NR1I2: variants seen among roughly 807,000 people sequenced by gnomAD.
The protein encoded by NR1I2 is nuclear receptor subfamily 1 group I member 2.
NR1I2 carries 42 observed loss-of-function variants against 43.3 expected under a neutral mutation model. That is an observed-to-expected ratio of 0.97 (90% CI 0.76 to 1.26). The LOEUF is 1.26. Ranked by LOEUF, NR1I2 falls within the 50% of genes most tolerant of loss-of-function variation. The pLI, the probability that NR1I2 is intolerant of heterozygous loss-of-function variation, is 0.00. For missense variants in NR1I2, 559 were observed against 566.7 expected, an observed-to-expected ratio of 0.99 and a Z score of 0.14; for synonymous variants, 229 against 215.0, an observed-to-expected ratio of 1.06 and a Z score of -0.57.
intron 8 of NR1I2, among the ~76,000 whole-genome samples, chr3:119,816,291 G>A (rs1475570681): frequency 2.0e-5 from 3 of 152,142 alleles, no homozygotes; most frequent in Non-Finnish European, 2.9e-5. Context: ...GGAGGCAGGA[G>A]GCTGGAAGTG....
intron 1 of NR1I2, among the ~76,000 whole-genome samples, chr3:119,785,521 G>T (rs911798855): frequency 1.3e-5 from 2 of 152,186 alleles, no homozygotes; most frequent in Non-Finnish European, 2.9e-5. Flanking sequence ...GGATAGACCT[G>T]TCTCCCTCCA....
At chr3:119,815,525 T>G in intron 7 of NR1I2, 86 bp downstream of exon 7, 2 of 1,214,982 alleles carry the variant, frequency 1.6e-6, no homozygotes, top group Non-Finnish European at 2.4e-6. Flanking sequence ...GCCTTGCTCC[T>G]CATTCACTGC....
intron 1 of NR1I2, chr3:119,791,903 TA>T (rs1470094603): frequency 5.8e-5 from 37 of 632,484 alleles, no homozygotes; most frequent in Non-Finnish European, 9.6e-5. Flanking sequence ...CTGCCTTATA[TA>T]ACATGGATGC....
At chr3:119,796,973 C>T (rs1164572910) in intron 1 of NR1I2, among the ~76,000 whole-genome samples, 2 of 152,210 alleles carry the variant, frequency 1.3e-5, no homozygotes, top group Admixed American at 6.5e-5. Context: ...GGCCTCCTGA[C>T]TATGACAACA....
At chr3:119,804,517 TCA>T (rs2055125281) in intron 1 of NR1I2, among the ~76,000 whole-genome samples, 1 of 149,000 alleles carries the variant, frequency 6.7e-6, no homozygotes, top group Admixed American at 6.7e-5. Flanking sequence ...CGATTTCGGC[TCA>T]CTGCAGCCTC....
chr3:119,803,527 C>T (rs1174292884), intron 1 of NR1I2, among the ~76,000 whole-genome samples: 1 of 152,054 alleles, frequency 6.6e-6, no homozygotes, highest in African/African-American at 2.4e-5. Flanking sequence ...GCCTCCAGAA[C>T]CATGAGAGAT....
intron 1 of NR1I2, among the ~76,000 whole-genome samples, chr3:119,794,879 C>T (rs2054975244): frequency 6.6e-6 from 1 of 152,158 alleles, no homozygotes. Flanking sequence ...GCACAGGTTG[C>T]AGTGTGCCAA....
intron 1 of NR1I2, among the ~76,000 whole-genome samples, chr3:119,785,278 C>T (rs2054829361): frequency 1.3e-5 from 2 of 152,294 alleles, no homozygotes; most frequent in South Asian, 2.1e-4. Flanking sequence ...CATTTGGAAA[C>T]TTCTCTTTGG....
intron 1 of NR1I2, among the ~76,000 whole-genome samples, chr3:119,784,816 C>T (rs1306893730): frequency 6.6e-6 from 1 of 152,084 alleles, no homozygotes; most frequent in Non-Finnish European, 1.5e-5. Flanking sequence ...TTTCTGTGTC[C>T]TTTTGTATTT....
In NR1I2 at chr3:119,803,907, G is replaced by A. The variant is rs527349581; in HGVS notation, c.-22-3322G>A. 9.9e-5 allele frequency among the ~76,000 whole-genome samples: 15 copies of A among 151,982 alleles called. 1 individual carries two copies. The highest frequency in any genetic ancestry group is 8.3e-4 in the South Asian group (4 of 4,812). On this transcript the variant is annotated intron_variant, in intron 1 of 8. Transcript: ENST00000393716. ...CAAGTAGCTGGGATTACAGGCACGC[G>A]CCACCACACTCAGCTAATTTTTGTA...
chr3:119,797,292 A>T (rs2055014849), intron 1 of NR1I2, among the ~76,000 whole-genome samples: 1 of 151,730 alleles, frequency 6.6e-6, no homozygotes, highest in South Asian at 2.1e-4. Flanking sequence ...TATACTGAAA[A>T]TCAGCATTCA....
intron 1 of NR1I2, among the ~76,000 whole-genome samples, chr3:119,804,857 TC>T (rs1243699238): frequency 1.3e-5 from 2 of 152,168 alleles, no homozygotes; most frequent in African/African-American, 4.8e-5. Flanking sequence ...TTTTTTCCTT[TC>T]TATTAGCTTC....
chr3:119,805,429 G>A (rs1307144126), intron 1 of NR1I2, among the ~76,000 whole-genome samples: 1 of 152,034 alleles, frequency 6.6e-6, no homozygotes, highest in Non-Finnish European at 1.5e-5. Context: ...GGTGGCTCAC[G>A]CCTGTAATCC....
chr3:119,817,319 C>A lies in NR1I2; in HGVS notation c.*107C>A. ...GACACTGCCAAGAGCCGACAATGCC[C>A]TGCTGGCCTGTCTCCCTAGGGAATT... On this transcript the variant is annotated 3_prime_UTR_variant, in exon 9 of 9. Coordinates refer to ENST00000393716, the MANE Select transcript of NR1I2 (RefSeq NM_003889.4). 3 of 1,590,192 alleles carry A rather than the reference C, an allele frequency of 1.9e-6. No homozygotes were observed. The highest frequency in any genetic ancestry group is 2.6e-6 in the Non-Finnish European group (3 of 1,173,614).
intron 1 of NR1I2, among the ~76,000 whole-genome samples, chr3:119,793,471 C>T (rs1213021947): frequency 6.6e-6 from 1 of 152,208 alleles, no homozygotes; most frequent in African/African-American, 2.4e-5. Context: ...TGGAGGCTGC[C>T]TTCTGGAGGC....
At chr3:119,815,154 G>T (rs1351630685) in intron 6 of NR1I2, 33 bp downstream of exon 6, 2 of 1,613,984 alleles carry the variant, frequency 1.2e-6, no homozygotes, top group South Asian at 2.2e-5. Context: ...CCTGGCAGAG[G>T]GAGGGAAACA....
chr3:119,809,568 G>A (rs2055208128), intron 2 of NR1I2, among the ~76,000 whole-genome samples: 1 of 138,212 alleles, frequency 7.2e-6, no homozygotes, highest in Non-Finnish European at 1.6e-5. Flanking sequence ...CGGGGGGGAA[G>A]GCGGGGGGGT....
intron 1 of NR1I2, among the ~76,000 whole-genome samples, chr3:119,794,606 TGAGCC>T (rs1373501863): frequency 2.0e-5 from 3 of 151,806 alleles, no homozygotes; most frequent in Non-Finnish European, 4.4e-5. Context: ...ATTAGAGGCA[TGAGCC>T]CCCACACCTG....
rs1251916968 is a variant in NR1I2, at chr3:119,807,385, G to A, written c.135G>A (p.Gly45=). The change falls in exon 2 of 9, where the codon GGG becomes GGA. Residue 45 remains glycine (G), a synonymous_variant. Coordinates refer to ENST00000393716, the MANE Select transcript of NR1I2 (RefSeq NM_003889.4). Reference sequence around the variant, plus strand: ...GTCCCCAAATCTGCCGTGTATGTGGGGACAAGGCCACTGGCTATCACTTCA... The same window carrying A: ...GTCCCCAAATCTGCCGTGTATGTGGAGACAAGGCCACTGGCTATCACTTCA... The A allele has an allele frequency of 6.2e-7, 1 of 1,614,168 alleles. No individual in the cohort carries two copies. The highest frequency in any genetic ancestry group is 1.3e-5 in the African/African-American group (1 of 75,036).
Sources: allele counts gnomAD v4.1 joint callset (sites outside exome capture counted in the v4.1 genomes callset), GRCh38; gene constraint gnomAD v4.1.1; transcripts MANE v1.5; gene names NCBI Gene and HGNC (gene_info 2026-07-23, HGNC 2026-07-21).